Variants in STX11 observed in about 807,000 individuals in gnomAD.
The protein encoded by STX11 is syntaxin-11.
In STX11, 21 loss-of-function variants were observed where a neutral mutation model predicts 19.9. The ratio of observed to expected loss-of-function variants is 1.06; its 90% CI spans 0.75 to 1.52. The LOEUF (loss-of-function observed/expected upper bound fraction) is 1.52. Ranked by LOEUF, STX11 falls within the 40% of genes most tolerant of loss-of-function variation. STX11 has a pLI of 0.00. For missense variants in STX11, 438 were observed against 405.9 expected (o/e 1.08, Z -0.68); for synonymous variants, 193 against 174.4 (o/e 1.11, Z -0.84).
At position 144,183,035 on chromosome 6, in the gene STX11, G is replaced by T. The variant is rs1801944998; in HGVS notation, c.-5-3588G>T. The stretch of plus-strand genomic sequence containing the variant: ...TGCATAGACTTTTAAAAGTTGCTAA[G>T]GAGTTAGTCCTTTAAACGAATAGTA... On this transcript the variant is annotated intron_variant, in intron 1 of 1. Transcript: ENST00000367568. This position sits in a 1 kb window ranked among gnomAD's most constrained non-coding sequence, Gnocchi z 4.6. Among the ~76,000 whole-genome samples the T allele has an allele frequency of 6.6e-6, 1 of 152,222 alleles. No homozygotes were observed. Among genetic ancestry groups the T allele is most frequent in the African/African-American group, 2.4e-5 (1 of 41,452 alleles).
chr6:144,187,821 GC>G lies in STX11; in HGVS notation c.*332del, dbSNP rs1354639495. 2 of 447,598 alleles carry G rather than the reference GC, an allele frequency of 4.5e-6. No homozygotes were observed. The highest frequency in any genetic ancestry group is 8.4e-6 in the Non-Finnish European group (2 of 238,810). The allele number at this position is 447,598 out of a possible 1,614,324, so 27.7% of individuals were successfully genotyped here. On this transcript the variant is annotated 3_prime_UTR_variant, in exon 2 of 2. Coordinates refer to ENST00000367568, the MANE Select transcript of STX11 (RefSeq NM_003764.4). This position sits in a 1 kb window ranked among gnomAD's most constrained non-coding sequence, Gnocchi z 5.6. The stretch of plus-strand genomic sequence containing the variant: ...ACTGTAGGGTGAATGTCTGAGGCCT[GC>G]CTCCTAATAAAGACTCAAGGAGGAA...
Position 144,174,551 on chromosome 6 carries a change from T to G in STX11, c.-5-12072T>G, listed in dbSNP as rs903975432. Among the ~76,000 whole-genome samples the G allele has an allele frequency of 7.9e-5, 12 of 151,922 alleles. No individual in the cohort carries two copies. The highest frequency in any genetic ancestry group is 2.9e-4 in the African/African-American group (12 of 41,368). ...CACCCGGCTAATTTTTGTGTTTTTG[T>G]AGAGCTGGATTTTGCCCTGTTACCC... On this transcript the variant is annotated intron_variant, in intron 1 of 1. Coordinates refer to ENST00000367568, the MANE Select transcript of STX11 (RefSeq NM_003764.4). The surrounding 1 kb of genome is among the most constrained non-coding windows in gnomAD (Gnocchi z 5.3).
At chr6:144,163,411 A>C (rs575800526) in intron 1 of STX11, among the ~76,000 whole-genome samples, 12 of 152,130 alleles carry the variant, frequency 7.9e-5, no homozygotes, top group Non-Finnish European at 1.6e-4. Context: ...CATCTCTACA[A>C]AAATTTTAAA....
rs1259259590 is a variant in STX11, at chr6:144,175,230, G to A, written c.-5-11393G>A. Reference sequence around the variant, plus strand: ...TGTACTCCAGCCTGGGCAACAGAGCGAGACCCTGTGTCAAACAATAATAAT... The same window carrying A: ...TGTACTCCAGCCTGGGCAACAGAGCAAGACCCTGTGTCAAACAATAATAAT... On this transcript the variant is annotated intron_variant, in intron 1 of 1. Coordinates refer to ENST00000367568, the MANE Select transcript of STX11 (RefSeq NM_003764.4). The surrounding 1 kb of genome is among the most constrained non-coding windows in gnomAD (Gnocchi z 5.1). 3.3e-5 allele frequency among the ~76,000 whole-genome samples: 5 copies of A among 152,148 alleles called. No individual in the cohort carries two copies. Among genetic ancestry groups the A allele is most frequent in the African/African-American group, 4.8e-5 (2 of 41,422 alleles).
intron 1 of STX11, among the ~76,000 whole-genome samples, chr6:144,163,983 G>T (rs1381248708): frequency 6.6e-6 from 1 of 152,110 alleles, no homozygotes; most frequent in Non-Finnish European, 1.5e-5. Flanking sequence ...AAGTTTTTTT[G>T]TTAGTTTTGT....
rs900095628 is a variant in STX11, at chr6:144,150,585, C to A, written c.-124C>A. On this transcript the variant is annotated 5_prime_UTR_variant, in exon 1 of 2. Coordinates refer to ENST00000367568, the MANE Select transcript of STX11 (RefSeq NM_003764.4). The stretch of plus-strand genomic sequence containing the variant: ...ACTCAGCCTCGGCCGCAGGAGGCGC[C>A]GGGAGCGGAGCCGCCGGGAGTCGCG... 23 of 985,290 alleles carry A rather than the reference C, an allele frequency of 2.3e-5. No homozygotes were observed. The highest frequency in any genetic ancestry group is 2.5e-5 in the Non-Finnish European group (21 of 829,944). 61.0% of individuals were successfully genotyped at this position (985,290 alleles called of 1,614,324 possible).
rs1471930687 is a variant in STX11, at chr6:144,187,774, T to C, written c.*283T>C. On this transcript the variant is annotated 3_prime_UTR_variant, in exon 2 of 2. Transcript: ENST00000367568. The surrounding 1 kb of genome is among the most constrained non-coding windows in gnomAD (Gnocchi z 5.6). ...TCTTACCGTCTTGACAGAAGCCAAG[T>C]AAGGAACTGAAGTTGTATCTGACTG... is the stretch of plus-strand genomic sequence containing the variant. 16 of 547,394 alleles carry C rather than the reference T, an allele frequency of 2.9e-5. No homozygotes were observed. 33.9% of individuals were successfully genotyped at this position (547,394 alleles called of 1,614,324 possible).
In STX11 at chr6:144,172,134, G is replaced by T. The variant is rs1278040164; in HGVS notation, c.-5-14489G>T. Among the ~76,000 whole-genome samples, 4 of 152,180 alleles carry T rather than the reference G, an allele frequency of 2.6e-5. No homozygotes were observed. The highest frequency in any genetic ancestry group is 9.7e-5 in the African/African-American group (4 of 41,436). On this transcript the variant is annotated intron_variant, in intron 1 of 1. Transcript: ENST00000367568. This position sits in a 1 kb window ranked among gnomAD's most constrained non-coding sequence, Gnocchi z 4.2. The stretch of plus-strand genomic sequence containing the variant: ...AGGAGCATGGAGAAACCCAAGGAGA[G>T]GTGTATCAGGTAGCTTTGTCAGTAT...
At chr6:144,140,438 A>G in the STX11 span, among the ~76,000 whole-genome samples, 5 of 151,368 alleles carry the variant, frequency 3.3e-5, no homozygotes, top group Non-Finnish European at 7.4e-5. Context: ...TATTTTTAGT[A>G]GAGATGGGGT....
At chr6:144,145,459 T>C in the STX11 span, among the ~76,000 whole-genome samples, 2 of 152,220 alleles carry the variant, frequency 1.3e-5, no homozygotes. Flanking sequence ...ATGTCCCTGT[T>C]CATTGCAGCA....
rs1324679224 is a variant in STX11, at chr6:144,154,447, A to G, written c.-6+3744A>G. ...TTGAAACATCTTAATGGAGACTCAC[A>G]GTGTCTGAAGGTTCCAAGTGCTTCA... On this transcript the variant is annotated intron_variant, in intron 1 of 1. Transcript: ENST00000367568. The surrounding 1 kb of genome is among the most constrained non-coding windows in gnomAD (Gnocchi z 4.7). 6.6e-6 allele frequency among the ~76,000 whole-genome samples: 1 copy of G among 152,000 alleles called. No individual in the cohort carries two copies. The highest frequency in any genetic ancestry group is 2.1e-4 in the South Asian group (1 of 4,832).
chr6:144,173,836 TA>T (rs1801706610), intron 1 of STX11, among the ~76,000 whole-genome samples: 1 of 152,234 alleles, frequency 6.6e-6, no homozygotes, highest in African/African-American at 2.4e-5. Flanking sequence ...CAGTTTTACT[TA>T]ACAGTTACAT....
rs1428093306 is a variant in STX11 at position 144,160,481 on chromosome 6, A to C, written c.-6+9778A>C. 6.6e-6 allele frequency among the ~76,000 whole-genome samples: 1 copy of C among 152,212 alleles called. No individual in the cohort carries two copies. Among genetic ancestry groups the C allele is most frequent in the Non-Finnish European group, 1.5e-5 (1 of 68,038 alleles). ...CCTTAAGTTTAATATATAAGTTAACAGGCAAATCTTGGGTTGAAAAAGTAC... is the reference window on the plus strand; with the variant it reads ...CCTTAAGTTTAATATATAAGTTAACCGGCAAATCTTGGGTTGAAAAAGTAC... On this transcript the variant is annotated intron_variant, in intron 1 of 1. Transcript: ENST00000367568. The surrounding 1 kb of genome is among the most constrained non-coding windows in gnomAD (Gnocchi z 4.3).
At chr6:144,158,826 C>T (rs1801246932) in intron 1 of STX11, among the ~76,000 whole-genome samples, 1 of 152,164 alleles carries the variant, frequency 6.6e-6, no homozygotes, top group South Asian at 2.1e-4. Flanking sequence ...ACTTTTAAGC[C>T]TACCAATTTT....
chr6:144,178,432 C>T (rs1168520392), intron 1 of STX11, among the ~76,000 whole-genome samples: 2 of 152,246 alleles, frequency 1.3e-5, no homozygotes, highest in African/African-American at 4.8e-5. Context: ...CCGTGCATTT[C>T]TACAGAAAGC....
the STX11 span, chr6:144,140,687 A>C: frequency 1.1e-6 from 1 of 917,286 alleles, no homozygotes; most frequent in Non-Finnish European, 1.3e-6. Context: ...ATCCGTGAAG[A>C]AGGAATGGGT....
intron 1 of STX11, among the ~76,000 whole-genome samples, chr6:144,171,323 T>C (rs574103661): frequency 3.7e-4 from 57 of 152,312 alleles, no homozygotes; most frequent in Admixed American, 1.3e-3. Flanking sequence ...CTTAGAAACC[T>C]AGTTCACATC....
chr6:144,186,966 G>A lies in STX11; in HGVS notation c.339G>A (p.Ala113=), dbSNP rs751243740. 1 of 1,609,116 alleles carries A rather than the reference G, an allele frequency of 6.2e-7. No homozygotes were observed. Among genetic ancestry groups the A allele is most frequent in the South Asian group, 1.1e-5 (1 of 91,028 alleles). The change falls in exon 2 of 2, where the codon GCG becomes GCA. Residue 113 remains alanine, a synonymous_variant. Transcript: ENST00000367568. ...KLRAMKELSE[A]AEAQHGPHSA... ...GCGCCATGAAGGAGCTGAGCGAGGC[G>A]GCTGAGGCCCAGCACGGCCCGCACT...
upstream of STX11, among the ~76,000 whole-genome samples, chr6:144,147,739 T>C (rs927923437): frequency 2.6e-5 from 4 of 152,188 alleles, no homozygotes; most frequent in Non-Finnish European, 4.4e-5. The surrounding 1 kb of genome is among the most constrained non-coding windows in gnomAD (Gnocchi z 4.2). Context: ...GTCTTCTCCA[T>C]GGATTCAAAG....
Sources: gnomAD v4.1 joint callset for allele counts (sites outside exome capture counted in the v4.1 genomes callset) on GRCh38, gnomAD v4.1.1 for gene constraint, Gnocchi (gnomAD v3.1) non-coding constraint, MANE v1.5 for transcripts, NCBI Gene and HGNC (gene_info 2026-07-23, HGNC 2026-07-21) for gene names.